The following PGM5 variants were observed in gnomAD, a reference collection of about 807,000 sequenced individuals.
PGM5 encodes the protein phosphoglucomutase-like protein 5.
Under a neutral mutation model 59.2 loss-of-function variants are expected in PGM5, and 23 were observed. That is an observed-to-expected ratio of 0.39 (90% CI 0.28 to 0.55). PGM5 has a LOEUF of 0.55. PGM5 is among the 20% of genes least tolerant of loss of function. The probability of loss-of-function intolerance (pLI) is 0.66; values close to 1 mark genes in which losing one functional copy is unlikely to be tolerated. For synonymous variants in PGM5, 214 were observed against 286.0 expected, an observed-to-expected ratio of 0.75 and a Z score of 2.54; for missense variants, 574 against 748.3, an observed-to-expected ratio of 0.77 and a Z score of 2.72.
chr9:68,447,289 A>G (rs918777941), intron 6 of PGM5, among the ~76,000 whole-genome samples: 15 of 152,308 alleles, frequency 9.8e-5, no homozygotes, highest in African/African-American at 3.4e-4. Flanking sequence ...ACATCCTGAC[A>G]TTACTTGTAC....
intron 6 of PGM5, among the ~76,000 whole-genome samples, chr9:68,409,074 C>T (rs1253996025): frequency 6.6e-6 from 1 of 151,982 alleles, no homozygotes; most frequent in Non-Finnish European, 1.5e-5. Flanking sequence ...TTTTTGGTTC[C>T]ATATGAACTT....
intron 10 of PGM5, among the ~76,000 whole-genome samples, chr9:68,520,089 C>CAAAAAA (rs34710126): frequency 7.7e-6 from 1 of 129,208 alleles, no homozygotes. Context: ...GACCCTGTCT[C>CAAAAAA]AAAAAAAAAA....
chr9:68,465,534 T>A (rs1164516642), intron 7 of PGM5, among the ~76,000 whole-genome samples: 3 of 152,148 alleles, frequency 2.0e-5, no homozygotes, highest in South Asian at 4.1e-4. Flanking sequence ...TCTTCCTTTA[T>A]CTCTACCCTC....
At chr9:68,435,844 A>G (rs1410218046) in intron 6 of PGM5, among the ~76,000 whole-genome samples, 1 of 152,160 alleles carries the variant, frequency 6.6e-6, no homozygotes, top group Non-Finnish European at 1.5e-5. Context: ...ACTACAGTAG[A>G]AACTCCATAA....
At chr9:68,499,465 C>G in intron 10 of PGM5, 104 bp downstream of exon 10, 1 of 1,188,800 alleles carries the variant, frequency 8.4e-7, no homozygotes, top group South Asian at 1.5e-5. Context: ...TGGAAAGGTA[C>G]ATGATAATTT....
chr9:68,503,142 G>C (rs1184737294), intron 10 of PGM5, among the ~76,000 whole-genome samples: 1 of 152,094 alleles, frequency 6.6e-6, no homozygotes, highest in Non-Finnish European at 1.5e-5. Flanking sequence ...CAGAAATAAA[G>C]TATAGAGCCA....
At chr9:68,450,228 AC>A (rs1421595711) in intron 6 of PGM5, among the ~76,000 whole-genome samples, 1 of 152,202 alleles carries the variant, frequency 6.6e-6, no homozygotes, top group African/African-American at 2.4e-5. Flanking sequence ...TTGCCTAAAA[AC>A]AAGAATCTCT....
chr9:68,502,680 T>A (rs1455956676), intron 10 of PGM5, among the ~76,000 whole-genome samples: 1 of 132,182 alleles, frequency 7.6e-6, no homozygotes, highest in Non-Finnish European at 1.8e-5. Context: ...TTTAAGTATT[T>A]GTTTGTTTGT....
intron 4 of PGM5, among the ~76,000 whole-genome samples, chr9:68,390,294 T>C (rs1378313069): frequency 6.6e-6 from 1 of 152,156 alleles, no homozygotes; most frequent in Non-Finnish European, 1.5e-5. Flanking sequence ...AGCTTTGCTT[T>C]TTTTCCAAAT....
intron 6 of PGM5, among the ~76,000 whole-genome samples, chr9:68,403,000 C>G (rs371499710): frequency 4.6e-5 from 7 of 152,188 alleles, no homozygotes; most frequent in Admixed American, 1.3e-4. Flanking sequence ...ATCTAAGATA[C>G]ATGTGCAGGG....
intron 2 of PGM5, among the ~76,000 whole-genome samples, chr9:68,383,356 T>G (rs1442414369): frequency 6.6e-6 from 1 of 152,142 alleles, no homozygotes; most frequent in African/African-American, 2.4e-5. Flanking sequence ...ATATCTAAAA[T>G]ATTATTATAC....
At chr9:68,403,400 G>A (rs1485520337) in intron 6 of PGM5, among the ~76,000 whole-genome samples, 2 of 152,126 alleles carry the variant, frequency 1.3e-5, no homozygotes, top group Admixed American at 6.5e-5. Context: ...TAGAAATAAA[G>A]TGCACAATAA....
intron 6 of PGM5, among the ~76,000 whole-genome samples, chr9:68,419,528 A>G (rs1441375001): frequency 2.0e-5 from 3 of 152,168 alleles, no homozygotes; most frequent in African/African-American, 7.2e-5. Flanking sequence ...GGCATTTTAA[A>G]ACTGAGGCAG....
chr9:68,395,166 A>G (rs1233531605), intron 6 of PGM5, among the ~76,000 whole-genome samples: 5 of 152,134 alleles, frequency 3.3e-5, no homozygotes, highest in African/African-American at 1.2e-4. Context: ...TGAGCACGGT[A>G]TAAGGTAGGG....
intron 6 of PGM5, among the ~76,000 whole-genome samples, chr9:68,411,572 C>T (rs1185182862): frequency 1.6e-4 from 24 of 151,024 alleles, no homozygotes; most frequent in African/African-American, 5.8e-4. Context: ...AATGTCATTA[C>T]TTTTGGATGT....
At chr9:68,401,569 T>C (rs1563994673) in intron 6 of PGM5, among the ~76,000 whole-genome samples, 1 of 151,654 alleles carries the variant, frequency 6.6e-6, no homozygotes, top group Non-Finnish European at 1.5e-5. Flanking sequence ...CCCTGTCTGA[T>C]TAGGGATTCA....
In PGM5 at chr9:68,388,437, G is replaced by A. The variant is rs1822283687; in HGVS notation, c.697+849G>A. Among the ~76,000 whole-genome samples the A allele has an allele frequency of 2.7e-5, 4 of 150,046 alleles. No homozygotes were observed. In the South Asian group the frequency reaches 8.6e-4, roughly 32 times the overall value. ...TGATCTGCCCCACTCTGCCCTGGTT[G>A]CTCTCTGAGCATGCTGTCATCATGA... On this transcript the variant is annotated intron_variant, in intron 4 of 10. Coordinates refer to ENST00000396396, the MANE Select transcript of PGM5 (RefSeq NM_021965.4).
chr9:68,491,906 A>C (rs1030929134), intron 9 of PGM5, among the ~76,000 whole-genome samples: 1 of 152,188 alleles, frequency 6.6e-6, no homozygotes, highest in South Asian at 2.1e-4. Context: ...GGAAGTTCTC[A>C]TCTCCCTGTT....
intron 10 of PGM5, among the ~76,000 whole-genome samples, chr9:68,518,718 A>G (rs2132117613): frequency 6.6e-6 from 1 of 152,366 alleles, no homozygotes; most frequent in Middle Eastern, 3.4e-3. Context: ...GATTTGCAGA[A>G]CAAAGAATAT....
Sources: gnomAD v4.1 joint callset for allele counts (sites outside exome capture counted in the v4.1 genomes callset) on GRCh38, gnomAD v4.1.1 for gene constraint, MANE v1.5 for transcripts, NCBI Gene and HGNC (gene_info 2026-07-23, HGNC 2026-07-21) for gene names.